ITFG1: variants seen among roughly 807,000 people sequenced by gnomAD.
The protein encoded by ITFG1 is integrin alpha FG-GAP repeat containing 1.
In ITFG1, 34 loss-of-function variants were observed where a neutral mutation model predicts 81.8. The ratio of observed to expected loss-of-function variants is 0.42; its 90% CI spans 0.32 to 0.55. The LOEUF is 0.55. Among genes scored for constraint, ITFG1 ranks in the 20% least tolerant of loss-of-function variants. The pLI, the probability that ITFG1 is intolerant of heterozygous loss-of-function variation, is 0.17. For synonymous variants in ITFG1, 285 were observed against 270.6 expected, an observed-to-expected ratio of 1.05 and a Z score of -0.52; for missense variants, 672 against 755.4, an observed-to-expected ratio of 0.89 and a Z score of 1.29.
At chr16:47,183,078 G>A (rs1012172307) in intron 14 of ITFG1, among the ~76,000 whole-genome samples, 3 of 152,200 alleles carry the variant, frequency 2.0e-5, no homozygotes, top group African/African-American at 4.8e-5. Flanking sequence ...AAAAAACGGC[G>A]CACAAGAGAT....
At chr16:47,190,894 G>T (rs1450499216) in intron 14 of ITFG1, among the ~76,000 whole-genome samples, 1 of 152,144 alleles carries the variant, frequency 6.6e-6, no homozygotes, top group Non-Finnish European at 1.5e-5. Flanking sequence ...GGGTTTGGTG[G>T]GATGACTGCA....
chr16:47,205,816 G>T (rs1965487627), intron 14 of ITFG1, among the ~76,000 whole-genome samples: 1 of 150,748 alleles, frequency 6.6e-6, no homozygotes, highest in South Asian at 2.1e-4. Context: ...AATTTCCCCA[G>T]CTGGAATTAA....
intron 14 of ITFG1, among the ~76,000 whole-genome samples, chr16:47,215,150 G>T (rs1393521526): frequency 6.6e-6 from 1 of 152,158 alleles, no homozygotes; most frequent in African/African-American, 2.4e-5. Context: ...GAAAACCAAG[G>T]CTGTAGTTTC....
rs58232411 is a variant in ITFG1 at position 47,421,270 on chromosome 16, GCACACA to G, written c.655+7528_655+7533del. ...TATACACACATATATACATACATAT[GCACACA>G]CACACACACACACACACACACACAC... On this transcript the variant is annotated intron_variant, in intron 6 of 17. Coordinates refer to ENST00000320640, the MANE Select transcript of ITFG1 (RefSeq NM_030790.5). Among the ~76,000 whole-genome samples, 1,268 of 130,010 alleles carry G rather than the reference GCACACA, an allele frequency of 9.8e-3. 23 individuals are homozygous for G. Among genetic ancestry groups the G allele is most frequent in the African/African-American group, 0.031 (1,111 of 35,434 alleles). The allele number at this position is 130,010 out of a possible 152,430, so 85.3% of individuals were successfully genotyped here. A position where few individuals can be genotyped will look rare whatever the true frequency, so the allele number is the denominator to read the frequency against.
intron 11 of ITFG1, among the ~76,000 whole-genome samples, chr16:47,259,082 T>C (rs911779137): frequency 2.0e-5 from 3 of 152,238 alleles, no homozygotes; most frequent in Middle Eastern, 3.2e-3. Context: ...CCTTTTCATC[T>C]GCCCTTGCCA....
intron 14 of ITFG1, among the ~76,000 whole-genome samples, chr16:47,173,617 C>T (rs1964986817): frequency 2.0e-5 from 3 of 152,156 alleles, no homozygotes; most frequent in African/African-American, 7.2e-5. Context: ...ATAATAAATA[C>T]ATTAAAGGCA....
At chr16:47,396,116 T>C in intron 6 of ITFG1, 1 of 971,004 alleles carries the variant, frequency 1.0e-6, no homozygotes, top group African/African-American at 1.8e-5. Flanking sequence ...TCCCTTTCCA[T>C]TTTCTTAAGT....
At chr16:47,361,093 AT>A (rs1968102623) in intron 8 of ITFG1, among the ~76,000 whole-genome samples, 2 of 152,050 alleles carry the variant, frequency 1.3e-5, no homozygotes, top group African/African-American at 4.8e-5. Context: ...TAGTTCCTTT[AT>A]TTTTTATAGG....
intron 14 of ITFG1, among the ~76,000 whole-genome samples, chr16:47,183,734 C>T (rs1471998984): frequency 6.6e-6 from 1 of 152,230 alleles, no homozygotes; most frequent in Non-Finnish European, 1.5e-5. Flanking sequence ...GAGCGCCTCT[C>T]CTCCTCCAAA....
intron 7 of ITFG1, among the ~76,000 whole-genome samples, chr16:47,369,939 C>G (rs1366837079): frequency 6.7e-6 from 1 of 148,350 alleles, no homozygotes; most frequent in Non-Finnish European, 1.5e-5. Flanking sequence ...CCCGGGTTCA[C>G]GCCATTCTCC....
intron 6 of ITFG1, among the ~76,000 whole-genome samples, chr16:47,408,841 G>A (rs534560282): frequency 2.0e-5 from 3 of 152,258 alleles, no homozygotes; most frequent in South Asian, 2.1e-4. Context: ...CTCTTTATAC[G>A]TTTAGAAATT....
chr16:47,440,158 C>T (rs1471058041), intron 5 of ITFG1, among the ~76,000 whole-genome samples: 1 of 152,044 alleles, frequency 6.6e-6, no homozygotes, highest in Non-Finnish European at 1.5e-5. Flanking sequence ...TATATGCACC[C>T]AATACAGGAG....
At chr16:47,164,229 C>G (rs1964856450) in intron 14 of ITFG1, among the ~76,000 whole-genome samples, 1 of 150,790 alleles carries the variant, frequency 6.6e-6, no homozygotes, top group African/African-American at 2.4e-5. Flanking sequence ...GTATTCCCTG[C>G]AGCAGTTGCC....
Position 47,155,645 on chromosome 16 carries a change from AT to A in ITFG1, c.*73del. The A allele has an allele frequency of 4.2e-6, 4 of 958,086 alleles. No individual in the cohort carries two copies. The highest frequency in any genetic ancestry group is 4.3e-4 in the Middle Eastern group (2 of 4,600). 59.3% of individuals were successfully genotyped at this position (958,086 alleles called of 1,614,324 possible). A position where few individuals can be genotyped will look rare whatever the true frequency, so the allele number is the denominator to read the frequency against. On this transcript the variant is annotated 3_prime_UTR_variant, in exon 18 of 18. Coordinates refer to ENST00000320640, the MANE Select transcript of ITFG1 (RefSeq NM_030790.5). ...TTATAAATAATATTTAATCTCCCCT[AT>A]TTTTTCAAGCCAGAATTTGTGTTTC...
chr16:47,344,387 GTAT>G (rs1374823071), intron 8 of ITFG1, among the ~76,000 whole-genome samples: 1 of 152,178 alleles, frequency 6.6e-6, no homozygotes, highest in African/African-American at 2.4e-5. Flanking sequence ...GTTAATGGAA[GTAT>G]TCCAAAACTG....
intron 14 of ITFG1, among the ~76,000 whole-genome samples, chr16:47,170,518 C>T (rs1380043228): frequency 6.6e-6 from 1 of 151,830 alleles, no homozygotes; most frequent in Non-Finnish European, 1.5e-5. Context: ...CAACCTTTAC[C>T]TCCTGTGTTC....
chr16:47,224,149 C>A (rs1286374173), intron 13 of ITFG1, among the ~76,000 whole-genome samples: 1 of 151,948 alleles, frequency 6.6e-6, no homozygotes, highest in African/African-American at 2.4e-5. Flanking sequence ...ACCAGCATGG[C>A]ACATGTATAC....
intron 14 of ITFG1, among the ~76,000 whole-genome samples, chr16:47,189,517 C>T (rs916935955): frequency 9.9e-5 from 15 of 152,170 alleles, no homozygotes; most frequent in African/African-American, 3.6e-4. Flanking sequence ...TATGGTTCAT[C>T]ATATTGTTGC....
chr16:47,397,822 A>C (rs1372998995), intron 6 of ITFG1, among the ~76,000 whole-genome samples: 1 of 152,210 alleles, frequency 6.6e-6, no homozygotes, highest in Non-Finnish European at 1.5e-5. Flanking sequence ...AGAGAAAGCT[A>C]GAAAGGAAGA....
Sources: allele counts gnomAD v4.1 joint callset (sites outside exome capture counted in the v4.1 genomes callset), GRCh38; gene constraint gnomAD v4.1.1; transcripts MANE v1.5; gene names NCBI Gene and HGNC (gene_info 2026-07-23, HGNC 2026-07-21).